DCUN1D2: variants seen among roughly 807,000 people sequenced by gnomAD.
DCUN1D2 encodes defective in cullin neddylation 1 domain containing 2, also known as DCN1-like protein 2.
In DCUN1D2, 29 loss-of-function variants were observed where a neutral mutation model predicts 30.9. The observed-to-expected ratio is 0.94, with a 90% confidence interval of 0.70 to 1.28. DCUN1D2 has a LOEUF of 1.28. DCUN1D2 is among the 50% of genes most tolerant of loss of function. The pLI is 0.00. For missense variants in DCUN1D2, 325 were observed against 316.9 expected, an observed-to-expected ratio of 1.03 and a Z score of -0.19; for synonymous variants, 121 against 115.3, an observed-to-expected ratio of 1.05 and a Z score of -0.32.
intron 2 of DCUN1D2, 104 bp downstream of exon 2, chr13:113,483,736 C>CGGCA: frequency 8.8e-7 from 1 of 1,139,470 alleles, no homozygotes; most frequent in Non-Finnish European, 1.3e-6. Context: ...GGAGAAGCAA[C>CGGCA]GGCAGCCCGG....
Position 113,462,670 on chromosome 13 carries a change from G to C in DCUN1D2, c.521-1534C>G, listed in dbSNP as rs573619074. Reference sequence around the variant, plus strand: ...ATCAGTTTTGAATACCCTGGAGTCTGAATCAGAAAGAAAGAGAGAGTCAGA... The same window carrying C: ...ATCAGTTTTGAATACCCTGGAGTCTCAATCAGAAAGAAAGAGAGAGTCAGA... On this transcript the variant is annotated intron_variant, in intron 4 of 6. Coordinates refer to ENST00000478244, the MANE Select transcript of DCUN1D2 (RefSeq NM_001014283.2). The C allele has an allele frequency of 1.2e-4, 105 of 849,180 alleles. No homozygotes were observed. The African/African-American group carries it at 1.7e-3, about 14-fold the overall frequency. The allele number at this position is 849,180 out of a possible 1,614,324, so 52.6% of individuals were successfully genotyped here.
intron 5 of DCUN1D2, 187 bp from the exon 6 acceptor site, chr13:113,459,595 A>G (rs564088799): frequency 3.5e-4 from 155 of 446,482 alleles, no homozygotes; most frequent in Middle Eastern, 2.4e-3. Context: ...TAATGTCCAA[A>G]TATAGAAAGC....
intron 4 of DCUN1D2, 51 bp downstream of exon 4, chr13:113,474,073 T>C (rs1335039083): frequency 1.9e-6 from 3 of 1,587,522 alleles, no homozygotes; most frequent in East Asian, 2.3e-5. Flanking sequence ...TCACGTCCAC[T>C]GAAAACCTCA....
chr13:113,467,097 C>T (rs1246520836), intron 4 of DCUN1D2, among the ~76,000 whole-genome samples: 1 of 152,088 alleles, frequency 6.6e-6, no homozygotes, highest in Non-Finnish European at 1.5e-5. Flanking sequence ...CGTGAGCCAC[C>T]ACGCCTGGCC....
intron 3 of DCUN1D2, among the ~76,000 whole-genome samples, chr13:113,477,060 G>C (rs1435180077): frequency 6.6e-6 from 1 of 152,198 alleles, no homozygotes; most frequent in Non-Finnish European, 1.5e-5. Flanking sequence ...AGCTTTAAAA[G>C]TTCCAATTAT....
intron 5 of DCUN1D2, among the ~76,000 whole-genome samples, chr13:113,460,657 C>A (rs1284540169): frequency 6.6e-6 from 1 of 152,220 alleles, no homozygotes; most frequent in Non-Finnish European, 1.5e-5. Context: ...GTTCCGGAGC[C>A]CAAACCAGTC....
intron 4 of DCUN1D2, 77 bp from the exon 5 acceptor site, chr13:113,461,213 C>T (rs1595566492): frequency 1.2e-6 from 1 of 867,538 alleles, no homozygotes; most frequent in East Asian, 2.6e-5. Context: ...CACTTCTTAG[C>T]ATGTCAATAT....
chr13:113,486,974 G>T (rs1006991860), intron 1 of DCUN1D2, among the ~76,000 whole-genome samples: 1 of 152,150 alleles, frequency 6.6e-6, no homozygotes, highest in Non-Finnish European at 1.5e-5. Flanking sequence ...GTAGTTTGCC[G>T]ACCCCGATCT....
chr13:113,461,674 A>G (rs2044320118), intron 4 of DCUN1D2, among the ~76,000 whole-genome samples: 14 of 151,982 alleles, frequency 9.2e-5, no homozygotes, highest in Admixed American at 9.2e-4. Flanking sequence ...ATCGGCAGCT[A>G]GCAGGGAAAG....
In DCUN1D2 at chr13:113,458,059, T is replaced by C; in HGVS notation, c.750A>G (p.Val250=). ...IDDFVEYARP[V]VTGGKRSLF is the part of the protein sequence containing the mutation. ...AAAGGCTGCGTTTTCCACCTGTGACTACTGGCCGTGCATATTCTACAAAAT... is the reference window on the plus strand; with the variant it reads ...AAAGGCTGCGTTTTCCACCTGTGACCACTGGCCGTGCATATTCTACAAAAT... Residue 250 remains valine (V), a synonymous_variant, in exon 7 of 7, where the codon GTA becomes GTG. Coordinates refer to ENST00000478244, the MANE Select transcript of DCUN1D2 (RefSeq NM_001014283.2). 1 of 1,614,214 alleles carries C rather than the reference T, an allele frequency of 6.2e-7. No homozygotes were observed. Among genetic ancestry groups the C allele is most frequent in the African/African-American group, 1.3e-5 (1 of 75,052 alleles).
At chr13:113,466,656 A>T (rs1456430008) in intron 4 of DCUN1D2, among the ~76,000 whole-genome samples, 1 of 152,174 alleles carries the variant, frequency 6.6e-6, no homozygotes, top group Admixed American at 6.5e-5. Context: ...CATGGCTGGT[A>T]CAGTAAATCT....
At position 113,457,873 on chromosome 13, in the gene DCUN1D2, CG is replaced by C; in HGVS notation, c.*155del. On this transcript the variant is annotated 3_prime_UTR_variant, in exon 7 of 7. Transcript: ENST00000478244. ...CTTCCTGCGGTGTCCACAAAGCAGCCGCTGGCTGTCCTCCGGCAGAATGGGA... is the reference window on the plus strand; with the variant it reads ...CTTCCTGCGGTGTCCACAAAGCAGCCCTGGCTGTCCTCCGGCAGAATGGGA... The C allele has an allele frequency of 1.4e-6, 1 of 717,138 alleles. No individual in the cohort carries two copies. The highest frequency in any genetic ancestry group is 2.4e-6 in the Non-Finnish European group (1 of 413,132). The allele number at this position is 717,138 out of a possible 1,614,324, so 44.4% of individuals were successfully genotyped here.
chr13:113,459,417 T>C lies in DCUN1D2; in HGVS notation c.604-9A>G, dbSNP rs1263573332. 2 of 1,399,884 alleles carry C rather than the reference T, an allele frequency of 1.4e-6. No homozygotes were observed. Among genetic ancestry groups the C allele is most frequent in the Admixed American group, 3.6e-5 (2 of 55,110 alleles). The allele number at this position is 1,399,884 out of a possible 1,614,324, so 86.7% of individuals were successfully genotyped here. The stretch of plus-strand genomic sequence containing the variant: ...GATCTTTTGTGATGTTCCTAATATA[T>C]GAGAGAAAAAAAAAACCCACCAGGT... On this transcript the variant is annotated splice_polypyrimidine_tract_variant and intron_variant, in intron 5 of 6. Coordinates refer to ENST00000478244, the MANE Select transcript of DCUN1D2 (RefSeq NM_001014283.2).
chr13:113,477,700 GA>G (rs1462177707), intron 3 of DCUN1D2, among the ~76,000 whole-genome samples: 1 of 149,300 alleles, frequency 6.7e-6, no homozygotes, highest in Non-Finnish European at 1.5e-5. Flanking sequence ...AGTTTTCTAT[GA>G]GTTTTTTTTT....
At chr13:113,490,789 G>C (rs1013318922), upstream of DCUN1D2, 5 of 965,696 alleles carry the variant, frequency 5.2e-6, no homozygotes, top group African/African-American at 8.7e-5. This position sits in a 1 kb window ranked among gnomAD's most constrained non-coding sequence, Gnocchi z 5.2. Context: ...GGAGCCGGCC[G>C]CGGGGACTCC....
At position 113,461,057 on chromosome 13, in the gene DCUN1D2, T is replaced by C; in HGVS notation, c.600A>G (p.Leu200=). The change falls in exon 5 of 7, where the codon TTA becomes TTG. Residue 200 remains leucine (L), a synonymous_variant. Transcript: ENST00000478244. ...CGAGATGCAGGAGGACACTTACCAT[T>C]AAGAATGTGTTCCAGAGATCTAAAA... The part of the protein sequence containing the change: ...FKFLDLWNTF[L]MEHHKRSIPR... 6.2e-7 allele frequency: 1 copy of C among 1,601,918 alleles called. No individual in the cohort carries two copies. Among genetic ancestry groups the C allele is most frequent in the Non-Finnish European group, 8.5e-7 (1 of 1,170,286 alleles).
chr13:113,464,821 G>A (rs879516900), intron 4 of DCUN1D2, among the ~76,000 whole-genome samples: 10 of 152,238 alleles, frequency 6.6e-5, no homozygotes, highest in African/African-American at 1.2e-4. Flanking sequence ...AAGCCACTGC[G>A]TTTTGAGGTG....
chr13:113,458,092 A>G lies in DCUN1D2; in HGVS notation c.717T>C (p.Leu239=), dbSNP rs371362541. Residue 239 remains leucine (L), a synonymous_variant, in exon 7 of 7, where the codon CTT becomes CTC. Transcript: ENST00000478244. ...GTGCATATTCTACAAAATCATCTAT[A>G]AGAACGGGCCAAGCTCCTAAAGGAA... is the stretch of plus-strand genomic sequence containing the variant. ...NYDEEGAWPV[L]IDDFVEYARP... 1.5e-5 allele frequency: 25 copies of G among 1,614,066 alleles called. No homozygotes were observed. In the African/African-American group the frequency reaches 2.0e-4, roughly 13 times the overall value.
Position 113,480,710 on chromosome 13 carries a change from C to G in DCUN1D2, c.254G>C (p.Gly85Ala), listed in dbSNP as rs537179667. ...CAGATCATCACAAAACTGTTGAATC[C>G]CATCGACTCCAATTTTGTTTTCATC... ...PQDENKIGVD[G>A]IQQFCDDLSL... Residue 85 changes from glycine to alanine, a missense_variant, in exon 3 of 7, where the codon GGG (glycine) becomes GCG (alanine). By Grantham distance (60) the Gly-to-Ala change is moderately conservative. Coordinates refer to ENST00000478244, the MANE Select transcript of DCUN1D2 (RefSeq NM_001014283.2). The G allele has an allele frequency of 1.2e-5, 20 of 1,614,030 alleles. No individual in the cohort carries two copies. The highest frequency in any genetic ancestry group is 1.0e-4 in the Admixed American group (6 of 60,008).
Sources: allele counts gnomAD v4.1 joint callset (sites outside exome capture counted in the v4.1 genomes callset), GRCh38; gene constraint gnomAD v4.1.1; non-coding constraint Gnocchi (gnomAD v3.1); transcripts MANE v1.5; gene names NCBI Gene and HGNC (gene_info 2026-07-23, HGNC 2026-07-21).